The following CNTN4 variants were observed in gnomAD, a reference collection of about 807,000 sequenced individuals.
CNTN4 encodes contactin-4.
CNTN4 carries 77 observed loss-of-function variants against 122.5 expected under a neutral mutation model. The ratio of observed to expected loss-of-function variants is 0.63; its 90% CI spans 0.52 to 0.76. CNTN4 has a LOEUF of 0.76. CNTN4 is among the 30% of genes least tolerant of loss of function. CNTN4 has a pLI of 0.00. For missense variants in CNTN4, 1,256 were observed against 1,259.1 expected, an observed-to-expected ratio of 1.00 and a Z score of 0.04; for synonymous variants, 512 against 447.0, an observed-to-expected ratio of 1.15 and a Z score of -1.83.
At chr3:2,269,062 G>A (rs943915445) in intron 2 of CNTN4, among the ~76,000 whole-genome samples, 1 of 152,106 alleles carries the variant, frequency 6.6e-6, no homozygotes, top group African/African-American at 2.4e-5. Context: ...TGCACTGCCT[G>A]TAAAAGAGAT....
At chr3:2,859,746 T>G (rs989461143) in intron 7 of CNTN4, among the ~76,000 whole-genome samples, 2 of 152,318 alleles carry the variant, frequency 1.3e-5, no homozygotes, top group South Asian at 4.1e-4. Flanking sequence ...ATCATATAAG[T>G]TGTATGTCCT....
chr3:2,231,238 A>G (rs1384058447), intron 2 of CNTN4, among the ~76,000 whole-genome samples: 1 of 152,132 alleles, frequency 6.6e-6, no homozygotes, highest in African/African-American at 2.4e-5. Context: ...CAAATACTCA[A>G]TAGTCACATC....
intron 6 of CNTN4, among the ~76,000 whole-genome samples, chr3:2,800,886 C>A (rs967973623): frequency 3.3e-5 from 5 of 152,206 alleles, no homozygotes; most frequent in African/African-American, 1.2e-4. Flanking sequence ...CTGGCTAAAC[C>A]CCTTGCCACC....
intron 3 of CNTN4, among the ~76,000 whole-genome samples, chr3:2,406,080 T>C (rs2047026013): frequency 1.3e-5 from 2 of 152,022 alleles, no homozygotes; most frequent in Non-Finnish European, 2.9e-5. Context: ...GTAATAATTG[T>C]TGCAGATGAG....
At chr3:2,823,457 G>T (rs1479685012) in intron 7 of CNTN4, among the ~76,000 whole-genome samples, 3 of 152,282 alleles carry the variant, frequency 2.0e-5, no homozygotes, top group Non-Finnish European at 4.4e-5. Flanking sequence ...ACTATGTGTG[G>T]CCTCTTTGTC....
At chr3:2,204,109 A>T (rs1035106182) in intron 2 of CNTN4, among the ~76,000 whole-genome samples, 18 of 152,132 alleles carry the variant, frequency 1.2e-4, no homozygotes, top group African/African-American at 4.3e-4. Context: ...CATGTATCTG[A>T]GTTTTTATAT....
rs200493742 is a variant in CNTN4 at position 2,591,963 on chromosome 3, AAACT to A, written c.55+20406_55+20409del. On this transcript the variant is annotated intron_variant, in intron 4 of 24. Coordinates refer to ENST00000418658, the MANE Select transcript of CNTN4 (RefSeq NM_175607.3). Reference sequence around the variant, plus strand: ...TGCAATCATAGCTCACTGAAACCTCAAACTCCTGGGCTCAAGGCATCCCCCTCCC... The same window carrying A: ...TGCAATCATAGCTCACTGAAACCTCACCTGGGCTCAAGGCATCCCCCTCCC... Among the ~76,000 whole-genome samples, 471 of 152,138 alleles carry A rather than the reference AAACT, an allele frequency of 3.1e-3. 3 individuals are homozygous for A. Among genetic ancestry groups the A allele is most frequent in the African/African-American group, 0.011 (450 of 41,504 alleles).
intron 2 of CNTN4, among the ~76,000 whole-genome samples, chr3:2,304,272 C>A (rs546424790): frequency 1.3e-5 from 2 of 151,988 alleles, no homozygotes; most frequent in South Asian, 4.2e-4. Flanking sequence ...TATTGAATGC[C>A]TTATGTAATA....
intron 3 of CNTN4, among the ~76,000 whole-genome samples, chr3:2,365,860 C>G (rs1452787090): frequency 2.0e-5 from 3 of 152,210 alleles, no homozygotes; most frequent in South Asian, 2.1e-4. Context: ...AGAAGTCTGT[C>G]TATGTTGGGT....
chr3:2,754,435 G>T (rs1231496140), intron 6 of CNTN4, among the ~76,000 whole-genome samples: 1 of 152,106 alleles, frequency 6.6e-6, no homozygotes, highest in Non-Finnish European at 1.5e-5. Flanking sequence ...CATTATCATG[G>T]TCATGGGCAA....
At chr3:3,051,617 G>A (rs184972978) in intron 23 of CNTN4, among the ~76,000 whole-genome samples, 64 of 152,284 alleles carry the variant, frequency 4.2e-4, no homozygotes, top group Admixed American at 1.6e-3. Flanking sequence ...GGATTTATCT[G>A]TGCCTAATCA....
At chr3:3,042,916 A>G in intron 21 of CNTN4, 61 bp from the exon 22 acceptor site, 1 of 1,355,708 alleles carries the variant, frequency 7.4e-7, no homozygotes, top group Non-Finnish European at 1.1e-6. Context: ...AAATTACCTG[A>G]TGACATTGCA....
intron 6 of CNTN4, among the ~76,000 whole-genome samples, chr3:2,778,415 A>G (rs551337445): frequency 6.8e-6 from 1 of 147,126 alleles, no homozygotes; most frequent in East Asian, 2.0e-4. Flanking sequence ...GCCACTCATG[A>G]TTTTTTAAAA....
chr3:2,461,152 T>A (rs1468813978), intron 3 of CNTN4, among the ~76,000 whole-genome samples: 1 of 152,116 alleles, frequency 6.6e-6, no homozygotes, highest in Non-Finnish European at 1.5e-5. Flanking sequence ...GTATCCATGA[T>A]TATATAAACA....
chr3:2,845,847 C>T (rs2093447212), intron 7 of CNTN4, among the ~76,000 whole-genome samples: 1 of 152,176 alleles, frequency 6.6e-6, no homozygotes, highest in Non-Finnish European at 1.5e-5. Context: ...CCTTTTCAAA[C>T]CTCTTCTCCT....
intron 2 of CNTN4, among the ~76,000 whole-genome samples, chr3:2,156,164 A>G (rs992287016): frequency 1.3e-5 from 2 of 152,090 alleles, no homozygotes; most frequent in African/African-American, 4.8e-5. Context: ...AAAAGAAATG[A>G]AGTTTTGGAG....
At chr3:2,992,053 T>C (rs1314230355) in intron 14 of CNTN4, among the ~76,000 whole-genome samples, 1 of 152,148 alleles carries the variant, frequency 6.6e-6, no homozygotes. Context: ...CTTGCCCCCA[T>C]GTTTCGGAGA....
At chr3:2,968,339 A>C (rs1427109589) in intron 13 of CNTN4, among the ~76,000 whole-genome samples, 1 of 152,196 alleles carries the variant, frequency 6.6e-6, no homozygotes, top group Non-Finnish European at 1.5e-5. Context: ...CAAGGAAAAA[A>C]ATGTGGAAAG....
chr3:2,194,184 C>T (rs2149354340), intron 2 of CNTN4, among the ~76,000 whole-genome samples: 1 of 152,148 alleles, frequency 6.6e-6, no homozygotes, highest in South Asian at 2.1e-4. Flanking sequence ...GTGAATGGGG[C>T]CAGGCATGGT....
Sources: allele counts gnomAD v4.1 joint callset (sites outside exome capture counted in the v4.1 genomes callset), GRCh38; gene constraint gnomAD v4.1.1; transcripts MANE v1.5; gene names NCBI Gene and HGNC (gene_info 2026-07-23, HGNC 2026-07-21).